The following STK32A variants were observed in gnomAD, a reference collection of about 807,000 sequenced individuals.
The protein encoded by STK32A is serine/threonine kinase 32A.
In STK32A, 41 loss-of-function variants were observed where a neutral mutation model predicts 53.2. That is an observed-to-expected ratio of 0.77 (90% CI 0.60 to 1.00). The LOEUF is 1.00. STK32A is among the 50% of genes least tolerant of loss of function. The pLI is 0.00. For missense variants in STK32A, 458 were observed against 485.8 expected (o/e 0.94, Z 0.54); for synonymous variants, 166 against 162.8 (o/e 1.02, Z -0.15).
chr5:147,269,447 T>C (rs1754938386), intron 2 of STK32A, among the ~76,000 whole-genome samples: 1 of 152,134 alleles, frequency 6.6e-6, no homozygotes, highest in Admixed American at 6.5e-5. Context: ...GACAGAAAAA[T>C]GAAATCCTCT....
intron 9 of STK32A, 133 bp from the exon 10 acceptor site, chr5:147,373,036 T>G: frequency 9.4e-7 from 1 of 1,065,428 alleles, no homozygotes; most frequent in Non-Finnish European, 1.4e-6. Context: ...ACATTGTTTA[T>G]GGGATTAGGG....
chr5:147,248,751 C>G (rs1010969599), intron 2 of STK32A, among the ~76,000 whole-genome samples: 3 of 152,158 alleles, frequency 2.0e-5, no homozygotes, highest in African/African-American at 7.2e-5. Context: ...TCCCAGACTT[C>G]CTGGGGCACG....
chr5:147,302,778 T>G (rs970173507), intron 4 of STK32A, among the ~76,000 whole-genome samples: 1 of 152,306 alleles, frequency 6.6e-6, no homozygotes, highest in African/African-American at 2.4e-5. Context: ...AGGGCTTAAC[T>G]TCCCCCTTGT....
chr5:147,324,193 C>T (rs960742173), intron 5 of STK32A, 122 bp downstream of exon 5: 9 of 1,024,466 alleles, frequency 8.8e-6, no homozygotes, highest in Admixed American at 3.0e-5. Context: ...TGAAACAGTA[C>T]CCTGAGGTAG....
In STK32A at chr5:147,324,360, C is replaced by A. The variant is rs556815368; in HGVS notation, c.434+289C>A. Reference sequence around the variant, plus strand: ...AAGGAGAAAAGGTGACATATAGAAACCTAATAAATATTAAGTAAATAATTA... The same window carrying A: ...AAGGAGAAAAGGTGACATATAGAAAACTAATAAATATTAAGTAAATAATTA... On this transcript the variant is annotated intron_variant, in intron 5 of 12. Transcript: ENST00000397936. Among the ~76,000 whole-genome samples the A allele has an allele frequency of 7.9e-5, 12 of 152,002 alleles. No individual in the cohort carries two copies. The South Asian group carries it at 2.5e-3, about 32-fold the overall frequency.
chr5:147,291,852 G>C (rs1360176704), intron 4 of STK32A, among the ~76,000 whole-genome samples: 1 of 152,114 alleles, frequency 6.6e-6, no homozygotes, highest in Non-Finnish European at 1.5e-5. Context: ...TGTAAAATAA[G>C]CTTTAGTATT....
At chr5:147,351,523 C>T (rs1755976328) in intron 7 of STK32A, among the ~76,000 whole-genome samples, 2 of 151,884 alleles carry the variant, frequency 1.3e-5, no homozygotes, top group Non-Finnish European at 2.9e-5. Context: ...CTGGAGCTTA[C>T]ATTCTAGTGG....
In STK32A at chr5:147,387,642, GCTAT is replaced by G. The variant is rs555832358; in HGVS notation, c.*3662_*3665del. ...TTGTCTACATAAAATCCTGTTTCCT[GCTAT>G]CTGTCTGTGATTCCTGTTTATTACA... is the stretch of plus-strand genomic sequence containing the variant. On this transcript the variant is annotated 3_prime_UTR_variant, in exon 13 of 13. Transcript: ENST00000397936. 12 of 152,268 alleles carry G rather than the reference GCTAT, an allele frequency of 7.9e-5. No homozygotes were observed. In the South Asian group the frequency reaches 1.2e-3, roughly 16 times the overall value. 9.4% of individuals were successfully genotyped at this position (152,268 alleles called of 1,614,324 possible). A position where few individuals can be genotyped will look rare whatever the true frequency, so the allele number is the denominator to read the frequency against.
intron 2 of STK32A, among the ~76,000 whole-genome samples, chr5:147,241,471 T>A (rs1753576985): frequency 7.0e-6 from 1 of 142,350 alleles, no homozygotes; most frequent in African/African-American, 2.6e-5. Flanking sequence ...AGAGCGAGAC[T>A]CCATCTCAAA....
chr5:147,376,627 C>T (rs1020200591), intron 11 of STK32A, among the ~76,000 whole-genome samples: 1 of 152,150 alleles, frequency 6.6e-6, no homozygotes, highest in African/African-American at 2.4e-5. Context: ...CCCACTCTGA[C>T]CCTCACTTAA....
chr5:147,311,705 T>A (rs1364202736), intron 4 of STK32A, among the ~76,000 whole-genome samples: 1 of 152,126 alleles, frequency 6.6e-6, no homozygotes, highest in East Asian at 1.9e-4. Context: ...TAGCTGGGAC[T>A]ACAGGTGCAT....
intron 2 of STK32A, among the ~76,000 whole-genome samples, chr5:147,260,275 T>C (rs1561675460): frequency 8.9e-6 from 1 of 112,938 alleles, no homozygotes; most frequent in Non-Finnish European, 1.9e-5. Flanking sequence ...CTCTCCCCTC[T>C]CTGTCTCTCT....
intron 6 of STK32A, among the ~76,000 whole-genome samples, chr5:147,347,898 T>C (rs1755766768): frequency 6.6e-6 from 1 of 152,184 alleles, no homozygotes; most frequent in African/African-American, 2.4e-5. Flanking sequence ...CTTCATTGTT[T>C]AGCTCAGAAG....
At chr5:147,299,788 T>G (rs1753042441) in intron 4 of STK32A, among the ~76,000 whole-genome samples, 1 of 152,150 alleles carries the variant, frequency 6.6e-6, no homozygotes, top group Non-Finnish European at 1.5e-5. Flanking sequence ...CGCCAAAAAT[T>G]TACGTTAAAG....
chr5:147,269,126 G>A (rs1397022300), intron 2 of STK32A, among the ~76,000 whole-genome samples: 4 of 152,060 alleles, frequency 2.6e-5, no homozygotes, highest in Non-Finnish European at 5.9e-5. Context: ...TAAAAACGTG[G>A]CAATAATAGT....
intron 7 of STK32A, among the ~76,000 whole-genome samples, chr5:147,359,783 T>C (rs147963525): frequency 1.7e-4 from 26 of 152,302 alleles, no homozygotes; most frequent in African/African-American, 5.5e-4. Context: ...GTGAATGCAC[T>C]AGGGAAATAG....
At chr5:147,274,341 C>T (rs1207780754) in intron 2 of STK32A, among the ~76,000 whole-genome samples, 2 of 152,198 alleles carry the variant, frequency 1.3e-5, no homozygotes, top group African/African-American at 4.8e-5. Context: ...CCACACTAAA[C>T]CACTACCTTC....
chr5:147,346,547 G>A (rs1245894765), intron 6 of STK32A, among the ~76,000 whole-genome samples: 2 of 152,144 alleles, frequency 1.3e-5, no homozygotes, highest in Admixed American at 1.3e-4. Context: ...AATATTTCTT[G>A]TACATCAGAA....
chr5:147,282,462 A>G (rs1436270804), intron 4 of STK32A, among the ~76,000 whole-genome samples: 1 of 152,188 alleles, frequency 6.6e-6, no homozygotes, highest in East Asian at 1.9e-4. Flanking sequence ...TTGAATGTAA[A>G]TGGCCTAAAT....
Sources: gnomAD v4.1 joint callset for allele counts (sites outside exome capture counted in the v4.1 genomes callset) on GRCh38, gnomAD v4.1.1 for gene constraint, MANE v1.5 for transcripts, NCBI Gene and HGNC (gene_info 2026-07-23, HGNC 2026-07-21) for gene names.